The following MAN2A1 variants were observed in gnomAD, a reference collection of about 807,000 sequenced individuals.
The protein encoded by MAN2A1 is alpha-mannosidase 2.
A neutral mutation model predicts 142.6 loss-of-function variants in MAN2A1; 76 were observed. The ratio of observed to expected loss-of-function variants is 0.53; its 90% CI spans 0.44 to 0.65. The LOEUF (loss-of-function observed/expected upper bound fraction) is 0.65, where lower values mean the gene tolerates loss of function less well. Among genes scored for constraint, MAN2A1 ranks in the 30% least tolerant of loss-of-function variants. The pLI is 0.00. For missense variants in MAN2A1, 1,311 were observed against 1,365.1 expected, an observed-to-expected ratio of 0.96 and a Z score of 0.62; for synonymous variants, 559 against 473.2, an observed-to-expected ratio of 1.18 and a Z score of -2.35.
intron 4 of MAN2A1, among the ~76,000 whole-genome samples, chr5:109,754,348 A>G (rs1445328721): frequency 6.6e-6 from 1 of 152,092 alleles, no homozygotes; most frequent in African/African-American, 2.4e-5. Context: ...GTTACCTGGT[A>G]TGGTATTATG....
At chr5:109,708,160 C>T (rs1751191618) in intron 1 of MAN2A1, among the ~76,000 whole-genome samples, 1 of 151,978 alleles carries the variant, frequency 6.6e-6, no homozygotes, top group Non-Finnish European at 1.5e-5. Context: ...AGGAGGAAAA[C>T]CTAGGGCATG....
At chr5:109,798,434 G>T (rs184054792) in intron 12 of MAN2A1, among the ~76,000 whole-genome samples, 2 of 152,282 alleles carry the variant, frequency 1.3e-5, no homozygotes, top group African/African-American at 4.8e-5. Context: ...CCCATTAGCA[G>T]CTCCATTTCA....
intron 8 of MAN2A1, among the ~76,000 whole-genome samples, chr5:109,779,820 A>G (rs990363148): frequency 9.2e-5 from 14 of 152,190 alleles, no homozygotes; most frequent in Admixed American, 2.0e-4. Flanking sequence ...AAGCCAAGAT[A>G]CATTGGCTAC....
chr5:109,853,783 C>T (rs1336284758), intron 19 of MAN2A1: 11 of 152,258 alleles, frequency 7.2e-5, no homozygotes, highest in Admixed American at 4.6e-4. Flanking sequence ...TGTTATTCTA[C>T]GAGCTGCATT....
At chr5:109,724,427 A>T (rs775409155) in intron 3 of MAN2A1, among the ~76,000 whole-genome samples, 7 of 152,010 alleles carry the variant, frequency 4.6e-5, no homozygotes, top group Non-Finnish European at 8.8e-5. Context: ...ATCTAAAATT[A>T]AAAAAAAGAA....
rs144640117 is a variant in MAN2A1, at chr5:109,755,942, G to T, written c.835+486G>T. On this transcript the variant is annotated intron_variant, in intron 5 of 21. Coordinates refer to ENST00000261483, the MANE Select transcript of MAN2A1 (RefSeq NM_002372.4). ...TTTGCTGGGTTTCTTCACAAGGTGAGTAAGATGGCTCTAGGCAGCCGAGAC... is the reference window on the plus strand; with the variant it reads ...TTTGCTGGGTTTCTTCACAAGGTGATTAAGATGGCTCTAGGCAGCCGAGAC... Among the ~76,000 whole-genome samples, 61 of 152,106 alleles carry T rather than the reference G, an allele frequency of 4.0e-4. 1 individual carries two copies. The East Asian group carries it at 0.011, about 28-fold the overall frequency.
At chr5:109,782,994 A>G (rs1367083532) in intron 9 of MAN2A1, among the ~76,000 whole-genome samples, 1 of 152,124 alleles carries the variant, frequency 6.6e-6, no homozygotes, top group Non-Finnish European at 1.5e-5. Flanking sequence ...TTTACATATT[A>G]TAGTGACTAT....
chr5:109,784,025 C>T (rs1189342570), intron 9 of MAN2A1, among the ~76,000 whole-genome samples: 3 of 151,980 alleles, frequency 2.0e-5, no homozygotes, highest in Non-Finnish European at 4.4e-5. Flanking sequence ...GTCACTACAC[C>T]TGGCTAAGAT....
intron 9 of MAN2A1, among the ~76,000 whole-genome samples, chr5:109,782,501 C>T (rs1305498964): frequency 6.6e-6 from 1 of 152,100 alleles, no homozygotes; most frequent in East Asian, 1.9e-4. Flanking sequence ...CAGAGGCTCC[C>T]AAAGTTTTCT....
At chr5:109,759,237 T>C (rs916601375) in intron 5 of MAN2A1, among the ~76,000 whole-genome samples, 7 of 152,176 alleles carry the variant, frequency 4.6e-5, no homozygotes, top group African/African-American at 1.2e-4. Flanking sequence ...TTAATTTCTT[T>C]CAACAGTGTT....
At chr5:109,740,516 GC>G (rs1016508874) in intron 4 of MAN2A1, among the ~76,000 whole-genome samples, 3 of 145,190 alleles carry the variant, frequency 2.1e-5, no homozygotes, top group African/African-American at 7.3e-5. Context: ...GTCAGGTGAG[GC>G]CAGCCATGCT....
chr5:109,788,699 T>C (rs1753660837), intron 10 of MAN2A1, among the ~76,000 whole-genome samples: 1 of 151,850 alleles, frequency 6.6e-6, no homozygotes, highest in Non-Finnish European at 1.5e-5. Context: ...ATTATGTTTA[T>C]GTGTTTCAGG....
At chr5:109,729,804 C>T (rs1021746332) in intron 4 of MAN2A1, among the ~76,000 whole-genome samples, 56 of 152,082 alleles carry the variant, frequency 3.7e-4, no homozygotes, top group African/African-American at 1.3e-3. Context: ...ACCACTCTGG[C>T]CAACATGGTG....
At chr5:109,847,633 C>CTTGT in intron 18 of MAN2A1, 24 bp from the exon 19 acceptor site, 2 of 1,473,042 alleles carry the variant, frequency 1.4e-6, no homozygotes, top group Non-Finnish European at 1.8e-6. Context: ...GTCAGTTTTG[C>CTTGT]TTGTTTGTTT....
intron 12 of MAN2A1, among the ~76,000 whole-genome samples, chr5:109,815,879 A>G (rs907425914): frequency 1.3e-5 from 2 of 152,250 alleles, no homozygotes; most frequent in Admixed American, 6.5e-5. Flanking sequence ...ACAAAATTGT[A>G]TAGGAAAACA....
intron 1 of MAN2A1, among the ~76,000 whole-genome samples, chr5:109,701,674 C>A (rs1750987530): frequency 6.6e-6 from 1 of 152,100 alleles, no homozygotes; most frequent in African/African-American, 2.4e-5. Flanking sequence ...AGACATAAGG[C>A]AGTAAATCCC....
Position 109,769,381 on chromosome 5 carries a change from G to A in MAN2A1, c.1010-974G>A, listed in dbSNP as rs539237136. Among the ~76,000 whole-genome samples the A allele has an allele frequency of 4.6e-5, 7 of 152,252 alleles. No homozygotes were observed. In the South Asian group the frequency reaches 6.2e-4, roughly 14 times the overall value. ...TTAAGTTGAGCTTGTTCACGTGTTC[G>A]AGTTCTTAATGAAGCAGTTATTTTC... is the stretch of plus-strand genomic sequence containing the variant. On this transcript the variant is annotated intron_variant, in intron 6 of 21. Coordinates refer to ENST00000261483, the MANE Select transcript of MAN2A1 (RefSeq NM_002372.4).
intron 2 of MAN2A1, among the ~76,000 whole-genome samples, chr5:109,715,138 A>C (rs925080712): frequency 6.6e-6 from 1 of 152,090 alleles, no homozygotes; most frequent in Non-Finnish European, 1.5e-5. Context: ...AGACACTGCT[A>C]ACACATCCTC....
At chr5:109,763,671 G>GT (rs1416800510) in intron 5 of MAN2A1, among the ~76,000 whole-genome samples, 1 of 151,640 alleles carries the variant, frequency 6.6e-6, no homozygotes, top group African/African-American at 2.4e-5. Context: ...ACTTGGTTTT[G>GT]TTTTCTAAAG....
Sources: gnomAD v4.1 joint callset for allele counts (sites outside exome capture counted in the v4.1 genomes callset) on GRCh38, gnomAD v4.1.1 for gene constraint, MANE v1.5 for transcripts, NCBI Gene and HGNC (gene_info 2026-07-23, HGNC 2026-07-21) for gene names.